GOLGB1: variants seen among roughly 807,000 people sequenced by gnomAD.
GOLGB1 encodes golgin B1.
A neutral mutation model predicts 336.9 loss-of-function variants in GOLGB1; 174 were observed. That is an observed-to-expected ratio of 0.52 (90% CI 0.46 to 0.59). The LOEUF is 0.59. GOLGB1 is among the 20% of genes least tolerant of loss of function. The pLI is 0.00. For missense variants in GOLGB1, 3,331 were observed against 3,645.3 expected (o/e 0.91, Z 2.22); for synonymous variants, 1,208 against 1,289.2 (o/e 0.94, Z 1.35).
rs1373535769 is a variant in GOLGB1 at position 121,664,523 on chromosome 3, A to G, written c.9752T>C (p.Met3251Thr). Residue 3251 changes from methionine (M) to threonine (T), a missense_variant, in exon 22 of 22, where the codon ATG (methionine) becomes ACG (threonine). Coordinates refer to ENST00000614479, the MANE Select transcript of GOLGB1 (RefSeq NM_001366282.2). The part of the protein sequence containing the change: ...VPLLAAIYFL[M>T]IHVLLILCFT... The stretch of plus-strand genomic sequence containing the variant: ...ACACAGAATGAGCAGGACATGAATC[A>G]TTAGAAAGTAGATGGCTGCTAGAAG... The G allele has an allele frequency of 1.9e-6, 3 of 1,613,828 alleles. No homozygotes were observed. The highest frequency in any genetic ancestry group is 2.2e-5 in the South Asian group (2 of 91,084).
At chr3:121,673,780 G>T (rs372407424) in intron 17 of GOLGB1, among the ~76,000 whole-genome samples, 1 of 152,058 alleles carries the variant, frequency 6.6e-6, no homozygotes, top group African/African-American at 2.4e-5. Flanking sequence ...GAGTGCAGGG[G>T]TGCGATCTCA....
At chr3:121,715,001 G>T in intron 9 of GOLGB1, 25 bp from the exon 10 acceptor site, 1 of 1,235,386 alleles carries the variant, frequency 8.1e-7, no homozygotes, top group Non-Finnish European at 1.2e-6. Flanking sequence ...AAAAATAAAT[G>T]TAATATTTGC....
chr3:121,706,940 C>T (rs1218222169), intron 10 of GOLGB1, among the ~76,000 whole-genome samples: 1 of 151,752 alleles, frequency 6.6e-6, no homozygotes, highest in African/African-American at 2.4e-5. Context: ...TGGCCAGGCA[C>T]GGTGACTCAC....
chr3:121,747,804 AC>A (rs1303905736), intron 1 of GOLGB1, among the ~76,000 whole-genome samples: 1 of 152,076 alleles, frequency 6.6e-6, no homozygotes, highest in East Asian at 1.9e-4. Context: ...AAAGAAAAAG[AC>A]TTTTTTTACA....
At chr3:121,749,206 T>A (rs1947584615) in intron 1 of GOLGB1, 1 of 152,238 alleles carries the variant, frequency 6.6e-6, no homozygotes, top group South Asian at 2.1e-4. Flanking sequence ...GACACCAAGT[T>A]TGTTTAGGGC....
At chr3:121,741,656 A>G (rs934300631) in intron 1 of GOLGB1, among the ~76,000 whole-genome samples, 6 of 152,198 alleles carry the variant, frequency 3.9e-5, no homozygotes, top group Admixed American at 6.5e-5. Context: ...AGAAATTAAG[A>G]ACCCCGAAAT....
In GOLGB1 at chr3:121,676,902, C is replaced by T. The variant is rs774396390; in HGVS notation, c.9168G>A (p.Leu3056=). ...IHQKELRIQQ[L]NSNFSQLLEE... is the part of the protein sequence containing the mutation. ...AACAAGAAACACTTACGTTGCTGTT[C>T]AGTTGCTGAATTCTTAACTCCTTTT... Residue 3056 remains leucine (L), a synonymous_variant, in exon 17 of 22, where the codon CTG becomes CTA. Transcript: ENST00000614479. The T allele has an allele frequency of 9.7e-5, 156 of 1,613,616 alleles. 1 individual carries two copies. The East Asian group carries it at 3.4e-3, about 35-fold the overall frequency.
chr3:121,710,854 CAAAACAAA>C (rs1275786951), intron 10 of GOLGB1, among the ~76,000 whole-genome samples: 1 of 145,528 alleles, frequency 6.9e-6, no homozygotes. Flanking sequence ...GACTCTGTCT[CAAAACAAA>C]AAAATAAGTA....
intron 20 of GOLGB1, 139 bp from the exon 21 acceptor site, chr3:121,665,170 C>A: frequency 1.6e-6 from 1 of 607,936 alleles, no homozygotes; most frequent in Non-Finnish European, 3.0e-6. Flanking sequence ...AAACCCAAAC[C>A]CATGCAAGGG....
At chr3:121,665,353 T>G (rs1464651437) in intron 20 of GOLGB1, among the ~76,000 whole-genome samples, 1 of 152,254 alleles carries the variant, frequency 6.6e-6, no homozygotes, top group Non-Finnish European at 1.5e-5. Context: ...TTACAGAGGT[T>G]AAATTACTTG....
In GOLGB1 at chr3:121,692,310, C is replaced by A; in HGVS notation, c.7054G>T (p.Ala2352Ser). 6.2e-6 allele frequency: 10 copies of A among 1,611,028 alleles called. No individual in the cohort carries two copies. The highest frequency in any genetic ancestry group is 8.5e-6 in the Non-Finnish European group (10 of 1,179,166). Residue 2352 changes from alanine (A) to serine (S), a missense_variant, in exon 14 of 22, where the codon GCT (alanine) becomes TCT (serine). Coordinates refer to ENST00000614479, the MANE Select transcript of GOLGB1 (RefSeq NM_001366282.2). ...NLEGIIRQQE[A>S]DIQNSKFSYE... ...CTGAACTTAGAATTTTGAATATCAG[C>A]CTCTTGCTGCCTTATGATCCCTTCC...
At chr3:121,745,668 GT>G (rs956487281) in intron 1 of GOLGB1, among the ~76,000 whole-genome samples, 1 of 152,088 alleles carries the variant, frequency 6.6e-6, no homozygotes, top group Non-Finnish European at 1.5e-5. Flanking sequence ...TGTTCTTGCT[GT>G]TATTTTATAA....
intron 6 of GOLGB1, among the ~76,000 whole-genome samples, chr3:121,721,443 A>G (rs1945190142): frequency 6.6e-6 from 1 of 152,162 alleles, no homozygotes; most frequent in African/African-American, 2.4e-5. Context: ...CCTGGGCAAC[A>G]TATTGAGAAC....
Position 121,691,341 on chromosome 3 carries a change from C to T in GOLGB1, c.8023G>A (p.Ala2675Thr), listed in dbSNP as rs201201678. ...EELVCVQKEA[A>T]KKVGEIEDKL... ...TCTTCAATTTCACCTACCTTCTTGGCAGCTTCCTTTTGAACACAAACCAAT... is the reference window on the plus strand; with the variant it reads ...TCTTCAATTTCACCTACCTTCTTGGTAGCTTCCTTTTGAACACAAACCAAT... Residue 2675 changes from alanine (A) to threonine (T), a missense_variant, in exon 14 of 22, where the codon GCC becomes ACC. Ala to Thr is a moderately conservative substitution (Grantham distance 58, BLOSUM62 0). Transcript: ENST00000614479. 191 of 1,611,910 alleles carry T rather than the reference C, an allele frequency of 1.2e-4. 1 individual carries two copies. The highest frequency in any genetic ancestry group is 1.6e-4 in the Middle Eastern group (1 of 6,076).
chr3:121,666,946 G>A (rs2107529339), intron 20 of GOLGB1, among the ~76,000 whole-genome samples: 1 of 152,312 alleles, frequency 6.6e-6, no homozygotes, highest in African/African-American at 2.4e-5. Context: ...CAATACTCTT[G>A]TTTGGCAAGA....
At chr3:121,669,096 A>G in intron 18 of GOLGB1, 116 bp downstream of exon 18, 1 of 983,938 alleles carries the variant, frequency 1.0e-6, no homozygotes, top group Non-Finnish European at 1.5e-6. Context: ...CTTCTCTCCC[A>G]CTTTCTTCCC....
chr3:121,672,272 T>C (rs1939651293), intron 17 of GOLGB1, among the ~76,000 whole-genome samples: 1 of 152,014 alleles, frequency 6.6e-6, no homozygotes, highest in South Asian at 2.1e-4. Context: ...CCCCTTTCTC[T>C]GCATCCTTGC....
At position 121,698,230 on chromosome 3, in the gene GOLGB1, T is replaced by G. The variant is rs755361889; in HGVS notation, c.2293A>C (p.Thr765Pro). 6.2e-7 allele frequency: 1 copy of G among 1,613,994 alleles called. No homozygotes were observed. Among genetic ancestry groups the G allele is most frequent in the Admixed American group, 1.7e-5 (1 of 60,012 alleles). ...TGCTTTACCTGAGCCCTCAATTCTG[T>G]TACCATGCTAAGTTCCTTCACCTGA... ...LSQVKELSMV[T>P]ELRAQVKQLE... The change falls in exon 13 of 22, where the codon ACA becomes CCA. Residue 765 changes from threonine to proline, a missense_variant. Thr to Pro is a conservative substitution (Grantham distance 38, BLOSUM62 -1). Coordinates refer to ENST00000614479, the MANE Select transcript of GOLGB1 (RefSeq NM_001366282.2).
intron 14 of GOLGB1, among the ~76,000 whole-genome samples, 194 bp downstream of exon 14, chr3:121,690,476 T>C (rs1347288873): frequency 6.6e-6 from 1 of 152,220 alleles, no homozygotes; most frequent in Non-Finnish European, 1.5e-5. Context: ...TCTAATGGTA[T>C]TGGCAGGTTT....
Sources: allele counts gnomAD v4.1 joint callset (sites outside exome capture counted in the v4.1 genomes callset), GRCh38; gene constraint gnomAD v4.1.1; transcripts MANE v1.5; gene names NCBI Gene and HGNC (gene_info 2026-07-23, HGNC 2026-07-21).